KIFAP3: variants seen among roughly 807,000 people sequenced by gnomAD.
KIFAP3 encodes the protein kinesin associated protein 3, also known as kinesin-associated protein 3.
A neutral mutation model predicts 106.5 loss-of-function variants in KIFAP3; 68 were observed. That is an observed-to-expected ratio of 0.64 (90% CI 0.53 to 0.78). KIFAP3 has a LOEUF of 0.78. Among genes scored for constraint, KIFAP3 ranks in the 30% least tolerant of loss-of-function variants. KIFAP3 has a pLI of 0.00. For missense variants in KIFAP3, 780 were observed against 941.8 expected (o/e 0.83, Z 2.25); for synonymous variants, 320 against 311.5 (o/e 1.03, Z -0.29).
chr1:169,923,018 T>C, intron 19 of KIFAP3: 22 of 836,980 alleles, frequency 2.6e-5, no homozygotes, highest in Non-Finnish European at 3.2e-5. Context: ...TGTATTAAGA[T>C]GGAACTAAAG....
At chr1:169,935,228 T>C (rs914944468) in intron 19 of KIFAP3, among the ~76,000 whole-genome samples, 1 of 152,046 alleles carries the variant, frequency 6.6e-6, no homozygotes, top group African/African-American at 2.4e-5. Context: ...ATAGGTTTTT[T>C]TGTATAAATT....
At position 169,982,844 on chromosome 1, in the gene KIFAP3, G is replaced by T; in HGVS notation, c.1530C>A (p.Ala510=). 1 of 1,593,696 alleles carries T rather than the reference G, an allele frequency of 6.3e-7. No individual in the cohort carries two copies. Among genetic ancestry groups the T allele is most frequent in the Non-Finnish European group, 8.6e-7 (1 of 1,168,050 alleles). Residue 510 remains alanine (A), a synonymous_variant, in exon 14 of 20, where the codon GCC becomes GCA. Coordinates refer to ENST00000361580, the MANE Select transcript of KIFAP3 (RefSeq NM_014970.4). ...CCTCTTCTTCATCATTAGAGATCTG[G>T]GCTGCAAGGTCCCCAACATAATCCT... ...LFIDYVGDLA[A]QISNDEEEEF...
intron 10 of KIFAP3, among the ~76,000 whole-genome samples, chr1:169,995,273 C>T (rs1394306774): frequency 6.6e-6 from 1 of 151,902 alleles, no homozygotes; most frequent in African/African-American, 2.4e-5. Context: ...AACTTTATTC[C>T]CCAAGAAGGT....
In KIFAP3 at chr1:169,992,179, A is replaced by G; in HGVS notation, c.1260T>C (p.Phe420=). 1 of 1,574,070 alleles carries G rather than the reference A, an allele frequency of 6.4e-7. No individual in the cohort carries two copies. Among genetic ancestry groups the G allele is most frequent in the Non-Finnish European group, 8.6e-7 (1 of 1,160,478 alleles). ...CCTGTGGTATACAGTCAGTGTATGC[A>G]AACATTGATTTAAAGCGGTCATCCA... ...ISMDDRFKSM[F]AYTDCIPQLM... Residue 420 remains phenylalanine (F), a synonymous_variant, in exon 11 of 20, where the codon TTT becomes TTC. Transcript: ENST00000361580.
intron 10 of KIFAP3, among the ~76,000 whole-genome samples, chr1:169,998,755 A>G (rs757905782): frequency 2.1e-4 from 32 of 152,218 alleles, no homozygotes; most frequent in Non-Finnish European, 4.0e-4. Context: ...TACAAATCAC[A>G]TATTTTCTTT....
chr1:169,988,722 G>T (rs1487607245), intron 11 of KIFAP3, among the ~76,000 whole-genome samples: 1 of 151,684 alleles, frequency 6.6e-6, no homozygotes, highest in East Asian at 1.9e-4. Flanking sequence ...CTTTTATTTT[G>T]CAATTAACTT....
chr1:169,995,702 G>A (rs568289234), intron 10 of KIFAP3, among the ~76,000 whole-genome samples: 1 of 152,208 alleles, frequency 6.6e-6, no homozygotes, highest in South Asian at 2.1e-4. Flanking sequence ...TGCTGCTCAT[G>A]TCAATGAAAA....
At chr1:170,033,480 C>T (rs1193985789) in intron 7 of KIFAP3, among the ~76,000 whole-genome samples, 2 of 151,702 alleles carry the variant, frequency 1.3e-5, no homozygotes, top group African/African-American at 4.8e-5. Context: ...AGGAAAGTTA[C>T]CAGCATGCCT....
At chr1:169,944,409 C>T (rs1213885621) in intron 19 of KIFAP3, among the ~76,000 whole-genome samples, 5 of 152,182 alleles carry the variant, frequency 3.3e-5, no homozygotes, top group Admixed American at 6.5e-5. Flanking sequence ...AACTGGGAAC[C>T]GCAGAGCCCC....
At chr1:170,065,840 T>C (rs1336650518) in intron 1 of KIFAP3, among the ~76,000 whole-genome samples, 1 of 152,192 alleles carries the variant, frequency 6.6e-6, no homozygotes, top group Non-Finnish European at 1.5e-5. Context: ...ATGTATTTGA[T>C]GATGCAGCTG....
At chr1:170,027,082 T>C (rs555302688) in intron 8 of KIFAP3, among the ~76,000 whole-genome samples, 2 of 144,314 alleles carry the variant, frequency 1.4e-5, no homozygotes, top group Admixed American at 1.5e-4. Context: ...ATGCAATGCG[T>C]GACCTTGGCT....
rs202015317 is a variant in KIFAP3 at position 170,074,468 on chromosome 1, G to GGCGGCAGCGGCAGCGGCA, written c.-2_-1insTGCCGCTGCCGCTGCCGC. The GGCGGCAGCGGCAGCGGCA allele has an allele frequency of 6.2e-7, 1 of 1,613,874 alleles. No individual in the cohort carries two copies. On this transcript the variant is annotated 5_prime_UTR_variant, in exon 1 of 20. Transcript: ENST00000361580. ...GGTATCTGGCGTCCTCCCCTTGCAT[G>GGCGGCAGCGGCAGCGGCA]GCGGCAGCGGCAGCGGCGTGGAGAG...
intron 5 of KIFAP3, among the ~76,000 whole-genome samples, chr1:170,036,577 A>G (rs1180373459): frequency 6.6e-6 from 1 of 152,178 alleles, no homozygotes; most frequent in Non-Finnish European, 1.5e-5. Flanking sequence ...AATGCATATT[A>G]ACAGCAAAGC....
intron 1 of KIFAP3, among the ~76,000 whole-genome samples, chr1:170,062,051 A>T (rs918916130): frequency 5.3e-5 from 8 of 152,096 alleles, no homozygotes; most frequent in Middle Eastern, 3.2e-3. Context: ...ATTAGGAGAT[A>T]TGCCTAATGT....
rs192636689 is a variant in KIFAP3 at position 169,987,240 on chromosome 1, T to C, written c.1285-2550A>G. On this transcript the variant is annotated intron_variant, in intron 11 of 19. Transcript: ENST00000361580. ...TTTGTTCTGTTTTAACTATGTCCAT[T>C]GTCATCTTTTACTAATTTACCAGAA... Among the ~76,000 whole-genome samples the C allele has an allele frequency of 8.4e-4, 128 of 152,196 alleles. 1 individual carries two copies. The highest frequency in any genetic ancestry group is 3.1e-3 in the Admixed American group (47 of 15,242).
At chr1:170,030,903 T>C (rs1019923736) in intron 8 of KIFAP3, among the ~76,000 whole-genome samples, 18 of 151,784 alleles carry the variant, frequency 1.2e-4, no homozygotes, top group East Asian at 3.8e-4. Context: ...TATTTACATA[T>C]GTTAAAATTT....
At chr1:170,021,445 T>G (rs1384791139) in intron 9 of KIFAP3, among the ~76,000 whole-genome samples, 2 of 141,966 alleles carry the variant, frequency 1.4e-5, no homozygotes, top group Non-Finnish European at 3.1e-5. Context: ...TTTTTTTTTT[T>G]TTTTTTTTTT....
intron 9 of KIFAP3, chr1:170,024,099 C>T (rs1348812135): frequency 6.0e-6 from 1 of 167,432 alleles, no homozygotes; most frequent in South Asian, 2.0e-4. Flanking sequence ...GGCAAAATAG[C>T]TTAGGGTAAA....
chr1:169,973,475 G>C (rs1451087194), intron 16 of KIFAP3, among the ~76,000 whole-genome samples: 1 of 145,448 alleles, frequency 6.9e-6, no homozygotes, highest in East Asian at 2.0e-4. Context: ...TGCATACTTA[G>C]AAAAATCAAT....
Sources: gnomAD v4.1 joint callset for allele counts (sites outside exome capture counted in the v4.1 genomes callset) on GRCh38, gnomAD v4.1.1 for gene constraint, MANE v1.5 for transcripts, NCBI Gene and HGNC (gene_info 2026-07-23, HGNC 2026-07-21) for gene names.